The following ATRNL1 variants were observed in gnomAD, a reference collection of about 807,000 sequenced individuals.
The protein encoded by ATRNL1 is attractin-like protein 1.
ATRNL1 carries 95 observed loss-of-function variants against 182.7 expected under a neutral mutation model. That is an observed-to-expected ratio of 0.52 (90% CI 0.44 to 0.62). The LOEUF (loss-of-function observed/expected upper bound fraction) is 0.62, where lower values mean the gene tolerates loss of function less well. Ranked by LOEUF, ATRNL1 falls within the 20% of genes least tolerant of loss-of-function variation. The pLI, the probability that ATRNL1 is intolerant of heterozygous loss-of-function variation, is 0.00. For synonymous variants in ATRNL1, 576 were observed against 568.3 expected (o/e 1.01, Z -0.19); for missense variants, 1,471 against 1,679.5 (o/e 0.88, Z 2.17).
At chr10:115,544,251 C>T (rs1385729609) in intron 25 of ATRNL1, among the ~76,000 whole-genome samples, 1 of 152,062 alleles carries the variant, frequency 6.6e-6, no homozygotes, top group Non-Finnish European at 1.5e-5. Flanking sequence ...TGTCACTTAA[C>T]ATAATAAAAG....
At chr10:115,789,606 C>T (rs528852426) in intron 27 of ATRNL1, among the ~76,000 whole-genome samples, 25 of 152,266 alleles carry the variant, frequency 1.6e-4, no homozygotes, top group Admixed American at 5.2e-4. Flanking sequence ...AGAGAAAATA[C>T]GCCAGAAGAA....
intron 27 of ATRNL1, among the ~76,000 whole-genome samples, chr10:115,838,158 C>T (rs547724306): frequency 7.2e-5 from 11 of 152,274 alleles, no homozygotes; most frequent in African/African-American, 2.6e-4. Context: ...ACACCCACTT[C>T]ATGTCCAGTA....
chr10:115,687,163 C>A (rs1555046563), intron 26 of ATRNL1, among the ~76,000 whole-genome samples: 1 of 152,068 alleles, frequency 6.6e-6, no homozygotes, highest in East Asian at 1.9e-4. Context: ...TAACTATACA[C>A]ATTATGCTAT....
In ATRNL1 at chr10:115,741,433, G is replaced by A. The variant is rs147423707; in HGVS notation, c.3903+14078G>A. On this transcript the variant is annotated intron_variant, in intron 27 of 28. Transcript: ENST00000355044. ...GAAAACAGGGTGGTATGTGAGTGAGGCAGTGAGAAGGCCACATTCACCCAA... is the reference window on the plus strand; with the variant it reads ...GAAAACAGGGTGGTATGTGAGTGAGACAGTGAGAAGGCCACATTCACCCAA... Among the ~76,000 whole-genome samples the A allele has an allele frequency of 6.9e-3, 1,051 of 152,250 alleles. 15 individuals carry two copies. Among genetic ancestry groups the A allele is most frequent in the African/African-American group, 0.024 (991 of 41,562 alleles).
intron 25 of ATRNL1, among the ~76,000 whole-genome samples, chr10:115,528,941 T>C (rs1293317661): frequency 1.3e-5 from 2 of 152,170 alleles, no homozygotes; most frequent in Non-Finnish European, 2.9e-5. Flanking sequence ...TCTTCTGTTT[T>C]TGATTTCTAA....
intron 26 of ATRNL1, among the ~76,000 whole-genome samples, chr10:115,701,618 T>C (rs1946738874): frequency 6.6e-6 from 1 of 152,088 alleles, no homozygotes; most frequent in East Asian, 1.9e-4. Flanking sequence ...AAAGATGATA[T>C]TACAGCCAAT....
intron 21 of ATRNL1, among the ~76,000 whole-genome samples, chr10:115,460,324 G>C (rs1554969484): frequency 6.6e-6 from 1 of 151,856 alleles, no homozygotes; most frequent in African/African-American, 2.4e-5. Flanking sequence ...TTAAAATTAA[G>C]CTCCTAATTA....
chr10:115,225,928 C>T (rs782071057), intron 9 of ATRNL1, among the ~76,000 whole-genome samples: 11 of 150,134 alleles, frequency 7.3e-5, no homozygotes, highest in Admixed American at 1.3e-4. Context: ...TTAGAGTCTC[C>T]GTGTCAATTT....
In ATRNL1 at chr10:115,797,124, G is replaced by C. The variant is rs77731885; in HGVS notation, c.3904-50753G>C. ...ATAGGGACCTTGACTTTTAGTTCCT[G>C]TTAATGGCAGGAACAAGCTTTTATT... On this transcript the variant is annotated intron_variant, in intron 27 of 28. Transcript: ENST00000355044. Among the ~76,000 whole-genome samples, 1,510 of 152,232 alleles carry C rather than the reference G, an allele frequency of 9.9e-3. 30 individuals are homozygous for C. Among genetic ancestry groups the C allele is most frequent in the African/African-American group, 0.034 (1,431 of 41,548 alleles).
At chr10:115,356,921 A>G (rs373932845) in intron 19 of ATRNL1, among the ~76,000 whole-genome samples, 2 of 152,004 alleles carry the variant, frequency 1.3e-5, no homozygotes, top group East Asian at 3.9e-4. Context: ...TGTAATTTTG[A>G]AAACTATTCA....
intron 21 of ATRNL1, among the ~76,000 whole-genome samples, chr10:115,426,744 GA>G (rs1445778966): frequency 1.3e-5 from 2 of 152,158 alleles, no homozygotes; most frequent in East Asian, 3.8e-4. Context: ...TGTTTTCTGA[GA>G]TGGAGTCTTG....
chr10:115,500,557 T>G (rs1181960927), intron 24 of ATRNL1, among the ~76,000 whole-genome samples: 1 of 152,178 alleles, frequency 6.6e-6, no homozygotes, highest in Non-Finnish European at 1.5e-5. Flanking sequence ...ATAATTTTTT[T>G]TTTGAAATGG....
At chr10:115,327,040 T>C (rs1316822020) in intron 18 of ATRNL1, among the ~76,000 whole-genome samples, 8 of 151,472 alleles carry the variant, frequency 5.3e-5, no homozygotes, top group Non-Finnish European at 8.9e-5. Context: ...ACTTCATGTC[T>C]AAAACACCAA....
At chr10:115,878,509 A>AT (rs1220678097) in intron 28 of ATRNL1, among the ~76,000 whole-genome samples, 1 of 152,214 alleles carries the variant, frequency 6.6e-6, no homozygotes, top group Non-Finnish European at 1.5e-5. Context: ...GATAATTGAC[A>AT]TATCAGTGCA....
At chr10:115,354,530 A>T (rs373371240) in intron 19 of ATRNL1, among the ~76,000 whole-genome samples, 1 of 151,306 alleles carries the variant, frequency 6.6e-6, no homozygotes. Context: ...TGGTCTATAA[A>T]CTCCCCACTG....
At chr10:115,531,518 C>T (rs1361798700) in intron 25 of ATRNL1, among the ~76,000 whole-genome samples, 1 of 151,238 alleles carries the variant, frequency 6.6e-6, no homozygotes, top group African/African-American at 2.4e-5. Flanking sequence ...ATTGTAGATT[C>T]TGGATATTAG....
intron 26 of ATRNL1, among the ~76,000 whole-genome samples, chr10:115,575,965 A>C (rs1304906426): frequency 6.6e-6 from 1 of 152,084 alleles, no homozygotes; most frequent in Non-Finnish European, 1.5e-5. Context: ...AACTTGTTTT[A>C]GGTATCACAT....
rs545420458 is a variant in ATRNL1, at chr10:115,168,472, A to G, written c.1093-2565A>G. 1.4e-4 allele frequency among the ~76,000 whole-genome samples: 21 copies of G among 152,142 alleles called. 1 individual carries two copies. The South Asian group carries it at 4.4e-3, about 32-fold the overall frequency. Reference sequence around the variant, plus strand: ...TCTATTTCTATACATCCTTGCCAACACTTATTAGTATCTGCCTTTTTGATT... The same window carrying G: ...TCTATTTCTATACATCCTTGCCAACGCTTATTAGTATCTGCCTTTTTGATT... On this transcript the variant is annotated intron_variant, in intron 7 of 28. Coordinates refer to ENST00000355044, the MANE Select transcript of ATRNL1 (RefSeq NM_207303.4).
intron 19 of ATRNL1, 30 bp downstream of exon 19, chr10:115,334,449 A>C: frequency 1.3e-6 from 2 of 1,486,238 alleles, no homozygotes; most frequent in Non-Finnish European, 1.8e-6. Context: ...ATTTTGGTGT[A>C]TTTTTACTAA....
Sources: gnomAD v4.1 joint callset for allele counts (sites outside exome capture counted in the v4.1 genomes callset) on GRCh38, gnomAD v4.1.1 for gene constraint, MANE v1.5 for transcripts, NCBI Gene and HGNC (gene_info 2026-07-23, HGNC 2026-07-21) for gene names.